The following ZFHX3 variants were observed in gnomAD, a reference collection of about 807,000 sequenced individuals.
The protein encoded by ZFHX3 is zinc finger homeobox 3, also known as zinc finger homeobox protein 3.
ZFHX3 carries 42 observed loss-of-function variants against 279.1 expected under a neutral mutation model. The observed-to-expected ratio is 0.15, with a 90% confidence interval of 0.12 to 0.19. The LOEUF (loss-of-function observed/expected upper bound fraction) is 0.19, where lower values mean the gene tolerates loss of function less well. Among genes scored for constraint, ZFHX3 ranks in the 10% least tolerant of loss-of-function variants. The probability of loss-of-function intolerance (pLI) is 1.00; values close to 1 mark genes in which losing one functional copy is unlikely to be tolerated. For missense variants in ZFHX3, 4,981 were observed against 4,754.0 expected (o/e 1.05, Z -1.40); for synonymous variants, 2,293 against 1,957.8 (o/e 1.17, Z -4.52).
intron 2 of ZFHX3, among the ~76,000 whole-genome samples, chr16:73,513,778 C>T (rs914405179): frequency 2.0e-5 from 3 of 152,052 alleles, no homozygotes; most frequent in Admixed American, 2.0e-4. Context: ...TACGGATGGA[C>T]TTATGGGAAT....
intron 2 of ZFHX3, among the ~76,000 whole-genome samples, chr16:73,502,534 C>T (rs910001598): frequency 1.3e-5 from 2 of 152,180 alleles, no homozygotes; most frequent in African/African-American, 4.8e-5. Context: ...TCTAACCACT[C>T]CAATCCTCAC....
At chr16:73,010,237 T>C (rs1963867870) in intron 1 of ZFHX3, among the ~76,000 whole-genome samples, 1 of 152,052 alleles carries the variant, frequency 6.6e-6, no homozygotes, top group African/African-American at 2.4e-5. Flanking sequence ...TGGCACAGAA[T>C]GCCCAGCTGT....
At chr16:73,245,458 T>C (rs944010149) in intron 5 of ZFHX3, among the ~76,000 whole-genome samples, 1 of 152,122 alleles carries the variant, frequency 6.6e-6, no homozygotes, top group Non-Finnish European at 1.5e-5. Flanking sequence ...TTCAACACTG[T>C]GTCAGGCAAA....
At chr16:73,170,699 C>A (rs1420801838) in intron 5 of ZFHX3, among the ~76,000 whole-genome samples, 1 of 152,166 alleles carries the variant, frequency 6.6e-6, no homozygotes, top group Non-Finnish European at 1.5e-5. Flanking sequence ...ATCAGAGAGT[C>A]TGGGAGGTGG....
At chr16:73,657,877 T>A in intron 2 of ZFHX3, among the ~76,000 whole-genome samples, 1 of 152,356 alleles carries the variant, frequency 6.6e-6, no homozygotes, top group Middle Eastern at 3.4e-3. Flanking sequence ...TGTTTCCACC[T>A]TTTGACTGCT....
chr16:73,269,556 C>T (rs1207796242), intron 4 of ZFHX3, among the ~76,000 whole-genome samples: 1 of 152,108 alleles, frequency 6.6e-6, no homozygotes, highest in African/African-American at 2.4e-5. Context: ...AGTTTATTTT[C>T]CAGCAAATGG....
chr16:72,787,250 C>T lies in ZFHX3; in HGVS notation c.11026G>A (p.Ala3676Thr), dbSNP rs1404409071. Reference protein sequence around the residue: ...TDLSQKSDGPASPVEGPKDPS... With the variant: ...TDLSQKSDGPTSPVEGPKDPS... ...TCTTTGGGACCCTCCACCGGGCTCG[C>T]CGGTCCGTCGGACTTTTGGCTGAGA... The change falls in exon 10 of 10, where the codon GCG becomes ACG. Residue 3676 changes from alanine to threonine, a missense_variant. Around this residue, in one of 7 missense-constraint regions of ZFHX3, gnomAD observed 1,034 missense variants for 786.0 expected, o/e 1.32. Coordinates refer to ENST00000268489, the MANE Select transcript of ZFHX3 (RefSeq NM_006885.4). 1.1e-5 allele frequency: 18 copies of T among 1,613,980 alleles called. No homozygotes were observed. The highest frequency in any genetic ancestry group is 1.4e-5 in the Non-Finnish European group (17 of 1,180,038).
intron 1 of ZFHX3, among the ~76,000 whole-genome samples, chr16:73,755,660 C>T (rs891832845): frequency 6.6e-6 from 1 of 152,176 alleles, no homozygotes; most frequent in Non-Finnish European, 1.5e-5. Context: ...AGCTCACAGT[C>T]GGCCCAAGCC....
chr16:73,103,393 C>G (rs1462505000), intron 7 of ZFHX3, among the ~76,000 whole-genome samples: 1 of 152,128 alleles, frequency 6.6e-6, no homozygotes, highest in African/African-American at 2.4e-5. Flanking sequence ...AAGTCCTGTG[C>G]GCTCACACCT....
At chr16:73,253,588 A>T (rs1250570010) in intron 5 of ZFHX3, among the ~76,000 whole-genome samples, 1 of 150,562 alleles carries the variant, frequency 6.6e-6, no homozygotes, top group African/African-American at 2.5e-5. Flanking sequence ...AGTAGCAGGG[A>T]CTACAGGCGC....
chr16:72,907,798 C>G (rs1233866765), intron 3 of ZFHX3, among the ~76,000 whole-genome samples: 1 of 151,908 alleles, frequency 6.6e-6, no homozygotes, highest in Non-Finnish European at 1.5e-5. Flanking sequence ...ATCCTCCCAC[C>G]TCTGCCTCCA....
At chr16:73,507,037 C>T (rs1033668991) in intron 2 of ZFHX3, among the ~76,000 whole-genome samples, 3 of 152,178 alleles carry the variant, frequency 2.0e-5, no homozygotes, top group African/African-American at 7.2e-5. Flanking sequence ...CGCACAACCT[C>T]CTTTGTCTCT....
At position 72,950,839 on chromosome 16, in the gene ZFHX3, A is replaced by C; in HGVS notation, c.2846T>G (p.Val949Gly). 6.2e-7 allele frequency: 1 copy of C among 1,614,054 alleles called. No individual in the cohort carries two copies. The highest frequency in any genetic ancestry group is 8.5e-7 in the Non-Finnish European group (1 of 1,180,042). Residue 949 changes from valine to glycine, a missense_variant, in exon 3 of 10, where the codon GTC (valine) becomes GGC (glycine). Around this residue, in one of 7 missense-constraint regions of ZFHX3, gnomAD observed 1,751 missense variants for 1,770.0 expected, o/e 0.99. Coordinates refer to ENST00000268489, the MANE Select transcript of ZFHX3 (RefSeq NM_006885.4). ...DPSLKLFQCA[V>G]CNKFTTDNLD... ...GTTGTCCGTCGTGAACTTGTTGCAG[A>C]CGGCGCACTGGAAGAGCTTCAGCGA...
chr16:73,683,029 G>T (rs2053043351), intron 1 of ZFHX3, among the ~76,000 whole-genome samples: 1 of 149,936 alleles, frequency 6.7e-6, no homozygotes. Flanking sequence ...AGGGAGGGAG[G>T]GAGAAGGAAG....
intron 6 of ZFHX3, among the ~76,000 whole-genome samples, chr16:73,141,557 A>C (rs1006400743): frequency 6.6e-6 from 1 of 151,858 alleles, no homozygotes; most frequent in African/African-American, 2.4e-5. Context: ...TCCACCGTGT[A>C]GGGCTAATTT....
chr16:73,422,082 T>C (rs1221878033), intron 3 of ZFHX3, among the ~76,000 whole-genome samples: 3 of 152,232 alleles, frequency 2.0e-5, no homozygotes, highest in Non-Finnish European at 4.4e-5. Context: ...ATCTTCTGGA[T>C]GTTCTTGCTT....
At chr16:73,448,353 A>G (rs2018222888) in intron 3 of ZFHX3, among the ~76,000 whole-genome samples, 1 of 152,238 alleles carries the variant, frequency 6.6e-6, no homozygotes, top group South Asian at 2.1e-4. Context: ...TTACCAAAAT[A>G]CAAACTAAGT....
chr16:73,713,177 T>G (rs1021565078), intron 1 of ZFHX3, among the ~76,000 whole-genome samples: 2 of 152,216 alleles, frequency 1.3e-5, no homozygotes, highest in African/African-American at 4.8e-5. Context: ...AGTATAAAAA[T>G]GCCTTCAAAG....
At chr16:73,509,786 C>T (rs559578569) in intron 2 of ZFHX3, among the ~76,000 whole-genome samples, 65 of 151,330 alleles carry the variant, frequency 4.3e-4, no homozygotes, top group African/African-American at 1.4e-3. Context: ...ACCTCCACCC[C>T]CGGGGTTCAA....
Sources: allele counts gnomAD v4.1 joint callset (sites outside exome capture counted in the v4.1 genomes callset), GRCh38; gene constraint gnomAD v4.1.1; regional missense constraint gnomAD v4.1.1; transcripts MANE v1.5; gene names NCBI Gene and HGNC (gene_info 2026-07-23, HGNC 2026-07-21).